NCCRP1: variants seen among roughly 807,000 people sequenced by gnomAD.
NCCRP1 encodes the protein F-box only protein 50.
A neutral mutation model predicts 34.4 loss-of-function variants in NCCRP1; 32 were observed. The observed-to-expected ratio is 0.93, with a 90% CI of 0.70 to 1.25. The LOEUF (loss-of-function observed/expected upper bound fraction) is 1.25. Among genes scored for constraint, NCCRP1 ranks in the 50% most tolerant of loss-of-function variants. NCCRP1 has a pLI of 0.00. For missense variants in NCCRP1, 372 were observed against 391.8 expected (o/e 0.95, Z 0.43); for synonymous variants, 172 against 180.1 (o/e 0.95, Z 0.36).
intron 3 of NCCRP1, 150 bp from the exon 4 acceptor site, chr19:39,199,020 G>A (rs928839404): frequency 3.0e-6 from 2 of 662,490 alleles, no homozygotes; most frequent in African/African-American, 1.8e-5. Context: ...CCCTCAGAGG[G>A]GCCCGTGGGA....
Position 39,200,950 on chromosome 19 carries a change from C to T in NCCRP1, c.*194C>T. On this transcript the variant is annotated 3_prime_UTR_variant, in exon 6 of 6. Coordinates refer to ENST00000339852, the MANE Select transcript of NCCRP1 (RefSeq NM_001001414.2). The surrounding 1 kb of genome is among the most constrained non-coding windows in gnomAD (Gnocchi z 5.8). ...TGAGCCCCATGAGGGCGGAGCCACT[C>T]CTTGTAAATTCAGTGCCCGACAGAT... 1.6e-6 allele frequency: 1 copy of T among 635,142 alleles called. No individual in the cohort carries two copies. Among genetic ancestry groups the T allele is most frequent in the Non-Finnish European group, 2.6e-6 (1 of 380,902 alleles). 39.3% of individuals were successfully genotyped at this position (635,142 alleles called of 1,614,324 possible).
In NCCRP1 at chr19:39,197,138, C is replaced by A. The variant is rs935985062; in HGVS notation, c.156C>A (p.Ala52=). Residue 52 remains alanine (A), a synonymous_variant, in exon 1 of 6, where the codon GCC becomes GCA. Transcript: ENST00000339852. ...PSPPSLPSPA[A]PEAPELPEPA... ...CGCCGTCGCTGCCATCGCCCGCAGC[C>A]CCGGAGGCCCCCGAGCTCCCCGAGC... The A allele has an allele frequency of 1.1e-5, 16 of 1,496,178 alleles. No individual in the cohort carries two copies. The African/African-American group carries it at 2.3e-4, about 22-fold the overall frequency. 92.7% of individuals were successfully genotyped at this position (1,496,178 alleles called of 1,614,324 possible). A position where few individuals can be genotyped will look rare whatever the true frequency, so the allele number is the denominator to read the frequency against.
In NCCRP1 at chr19:39,200,206, C is replaced by T. The variant is rs2074781811; in HGVS notation, c.549-140C>T. On this transcript the variant is annotated intron_variant, in intron 4 of 5. Coordinates refer to ENST00000339852, the MANE Select transcript of NCCRP1 (RefSeq NM_001001414.2). This position sits in a 1 kb window ranked among gnomAD's most constrained non-coding sequence, Gnocchi z 5.8. The stretch of plus-strand genomic sequence containing the variant: ...GGGTGTGGGGCTGTCTTGGTCACTG[C>T]TATGTTGCCAGCACCACCCAGCTCA... 9.3e-7 allele frequency: 1 copy of T among 1,072,522 alleles called. No homozygotes were observed. Among genetic ancestry groups the T allele is most frequent in the Non-Finnish European group, 1.4e-6 (1 of 737,706 alleles). 66.4% of individuals were successfully genotyped at this position (1,072,522 alleles called of 1,614,324 possible).
Position 39,196,977 on chromosome 19 carries a change from C to T in NCCRP1, c.-6C>T, listed in dbSNP as rs1007016097. The T allele has an allele frequency of 5.2e-6, 8 of 1,533,664 alleles. No individual in the cohort carries two copies. The highest frequency in any genetic ancestry group is 7.0e-6 in the Non-Finnish European group (8 of 1,147,204). ...TGAAACCGGGACAGTCGCGCAGCCT[C>T]GAGGGATGGAGGAGGTGCGTGAGGG... On this transcript the variant is annotated 5_prime_UTR_variant, in exon 1 of 6. Coordinates refer to ENST00000339852, the MANE Select transcript of NCCRP1 (RefSeq NM_001001414.2).
At position 39,197,229 on chromosome 19, in the gene NCCRP1, G is replaced by A. The variant is rs1489141241; in HGVS notation, c.247G>A (p.Gly83Ser). ...GGAGGAGTGGGGGCCGCTGAGCGGGGGCCTGGAGCTGCCCCAGCGCCTCAC... is the reference window on the plus strand; with the variant it reads ...GGAGGAGTGGGGGCCGCTGAGCGGGAGCCTGGAGCTGCCCCAGCGCCTCAC... ...LLEEWGPLSG[G>S]LELPQRLTWK... The change falls in exon 1 of 6, where the codon GGC becomes AGC. Residue 83 changes from glycine to serine, a missense_variant. Physicochemically the swap from Gly to Ser is moderately conservative, Grantham distance 56. Transcript: ENST00000339852. 5 of 1,468,416 alleles carry A rather than the reference G, an allele frequency of 3.4e-6. No homozygotes were observed. The highest frequency in any genetic ancestry group is 1.5e-5 in the African/African-American group (1 of 67,916). The allele number at this position is 1,468,416 out of a possible 1,614,324, so 91.0% of individuals were successfully genotyped here.
Position 39,200,303 on chromosome 19 carries a change from C to A in NCCRP1, c.549-43C>A. The A allele has an allele frequency of 6.2e-7, 1 of 1,606,488 alleles. No individual in the cohort carries two copies. The highest frequency in any genetic ancestry group is 8.5e-7 in the Non-Finnish European group (1 of 1,176,772). ...GGGGCCAGGGGCTGGGGCTGGGTAG[C>A]TGAGACTGCAGTGACAGCTGAAGGC... On this transcript the variant is annotated intron_variant, in intron 4 of 5. Transcript: ENST00000339852. This position sits in a 1 kb window ranked among gnomAD's most constrained non-coding sequence, Gnocchi z 5.8.
At position 39,199,659 on chromosome 19, in the gene NCCRP1, C is replaced by T. The variant is rs142402906; in HGVS notation, c.548+394C>T. On this transcript the variant is annotated intron_variant, in intron 4 of 5. Transcript: ENST00000339852. ...TCCCAAGTAACTGGGACTACAGGCG[C>T]GCGCCACCATACCTGGCTAATTTCT... Among the ~76,000 whole-genome samples, 508 of 151,446 alleles carry T rather than the reference C, an allele frequency of 3.4e-3. 2 individuals carry two copies. Among genetic ancestry groups the T allele is most frequent in the African/African-American group, 0.012 (486 of 41,316 alleles).
Position 39,197,176 on chromosome 19 carries a change from C to T in NCCRP1, c.194C>T (p.Ser65Phe). 1 of 1,431,692 alleles carries T rather than the reference C, an allele frequency of 7.0e-7. No homozygotes were observed. The highest frequency in any genetic ancestry group is 2.9e-5 in the East Asian group (1 of 34,580). The allele number at this position is 1,431,692 out of a possible 1,614,324, so 88.7% of individuals were successfully genotyped here. Residue 65 changes from serine to phenylalanine, a missense_variant, in exon 1 of 6, where the codon TCC becomes TTC. Transcript: ENST00000339852. ...GAGCTCCCCGAGCCGGCGCAGCCGT[C>T]CGAGGCTCACGCCCGGCAGCTGCTG... ...APELPEPAQP[S>F]EAHARQLLLE...
chr19:39,198,352 A>G, intron 3 of NCCRP1, 99 bp downstream of exon 3: 3 of 1,267,564 alleles, frequency 2.4e-6, no homozygotes, highest in Non-Finnish European at 3.4e-6. Flanking sequence ...CTGGACCTCC[A>G]TTTCCTGCTC....
intron 1 of NCCRP1, 145 bp from the exon 2 acceptor site, chr19:39,197,908 A>G (rs1471653086): frequency 2.1e-5 from 18 of 847,532 alleles, no homozygotes; most frequent in Admixed American, 1.0e-4. Context: ...CCCAGCCCAG[A>G]GCCCTGACTC....
At chr19:39,199,309 G>A in intron 4 of NCCRP1, 44 bp downstream of exon 4, 2 of 1,564,728 alleles carry the variant, frequency 1.3e-6, no homozygotes, top group Non-Finnish European at 1.8e-6. Context: ...GATCGCGCAG[G>A]GCTGCCCAGA....
intron 4 of NCCRP1, 38 bp downstream of exon 4, chr19:39,199,303 G>A (rs12610530): frequency 0.34 from 535,601 of 1,579,126 alleles, 92,098 homozygotes; most frequent in East Asian, 0.47. Context: ...CCCCGTGATC[G>A]CGCAGGGCTG....
At chr19:39,198,170 G>A in intron 2 of NCCRP1, 32 bp from the exon 3 acceptor site, 2 of 1,614,152 alleles carry the variant, frequency 1.2e-6, no homozygotes, top group Non-Finnish European at 1.7e-6. Flanking sequence ...CCAGCGTTGG[G>A]GTGTCCTAAC....
Position 39,198,042 on chromosome 19 carries a change from GT to G in NCCRP1, c.338-10del. ...GGCTGCCCAGAGGCTCCACTCACCT[GT>G]CCATTTCAGGCATCAACATTTATGA... On this transcript the variant is annotated splice_polypyrimidine_tract_variant and intron_variant, in intron 1 of 5. Coordinates refer to ENST00000339852, the MANE Select transcript of NCCRP1 (RefSeq NM_001001414.2). 1 of 1,613,144 alleles carries G rather than the reference GT, an allele frequency of 6.2e-7. No individual in the cohort carries two copies. Among genetic ancestry groups the G allele is most frequent in the Non-Finnish European group, 8.5e-7 (1 of 1,179,870 alleles).
chr19:39,201,037 G>T lies in NCCRP1; in HGVS notation c.*281G>T. 2 of 386,746 alleles carry T rather than the reference G, an allele frequency of 5.2e-6. No individual in the cohort carries two copies. The highest frequency in any genetic ancestry group is 4.2e-5 in the Admixed American group (1 of 23,554). The allele number at this position is 386,746 out of a possible 1,614,324, so 24.0% of individuals were successfully genotyped here. A position where few individuals can be genotyped will look rare whatever the true frequency, so the allele number is the denominator to read the frequency against. ...GAATGCATAGACACCTGTGCCCAAG[G>T]ATGCTGAGGGCTGGTCTCTGCTTCT... On this transcript the variant is annotated 3_prime_UTR_variant, in exon 6 of 6. Coordinates refer to ENST00000339852, the MANE Select transcript of NCCRP1 (RefSeq NM_001001414.2).
Position 39,201,089 on chromosome 19 carries a change from A to G in NCCRP1, c.*333A>G. 3.7e-6 allele frequency: 1 copy of G among 273,714 alleles called. No individual in the cohort carries two copies. Among genetic ancestry groups the G allele is most frequent in the South Asian group, 7.5e-5 (1 of 13,358 alleles). 17.0% of individuals were successfully genotyped at this position (273,714 alleles called of 1,614,324 possible). On this transcript the variant is annotated 3_prime_UTR_variant, in exon 6 of 6. Coordinates refer to ENST00000339852, the MANE Select transcript of NCCRP1 (RefSeq NM_001001414.2). ...TGAACTTCACTGAAACTGAATGCTC[A>G]CTGCTGTGTTGCCAGCACCACCCAG... is the stretch of plus-strand genomic sequence containing the variant.
At chr19:39,197,718 A>T (rs1472525542) in intron 1 of NCCRP1, among the ~76,000 whole-genome samples, 2 of 152,156 alleles carry the variant, frequency 1.3e-5, no homozygotes, top group African/African-American at 4.8e-5. Flanking sequence ...CTGGGATTAC[A>T]GGCATGCACC....
Position 39,200,284 on chromosome 19 carries a change from A to G in NCCRP1, c.549-62A>G. On this transcript the variant is annotated intron_variant, in intron 4 of 5. Transcript: ENST00000339852. The surrounding 1 kb of genome is among the most constrained non-coding windows in gnomAD (Gnocchi z 5.8). ...TGTGTGTTGAATGGGGAATGGGGCC[A>G]GGGGCTGGGGCTGGGTAGCTGAGAC... 1.3e-6 allele frequency: 2 copies of G among 1,594,054 alleles called. No homozygotes were observed. Among genetic ancestry groups the G allele is most frequent in the South Asian group, 2.3e-5 (2 of 88,344 alleles).
intron 4 of NCCRP1, 61 bp downstream of exon 4, chr19:39,199,326 G>A: frequency 6.8e-7 from 1 of 1,474,774 alleles, no homozygotes; most frequent in South Asian, 1.1e-5. Flanking sequence ...CAGAGCATGA[G>A]CCTTACTCTG....
Sources: gnomAD v4.1 joint callset for allele counts (sites outside exome capture counted in the v4.1 genomes callset) on GRCh38, gnomAD v4.1.1 for gene constraint, Gnocchi (gnomAD v3.1) non-coding constraint, MANE v1.5 for transcripts, NCBI Gene and HGNC (gene_info 2026-07-23, HGNC 2026-07-21) for gene names.